The following EHBP1 variants were observed in gnomAD, a reference collection of about 807,000 sequenced individuals.
EHBP1 encodes the protein EH domain-binding protein 1.
Under a neutral mutation model 144.0 loss-of-function variants are expected in EHBP1, and 55 were observed. That is an observed-to-expected ratio of 0.38 (90% CI 0.31 to 0.48). The LOEUF (loss-of-function observed/expected upper bound fraction) is 0.48, where lower values mean the gene tolerates loss of function less well. Ranked by LOEUF, EHBP1 falls within the 20% of genes least tolerant of loss-of-function variation. The probability of loss-of-function intolerance (pLI) is 0.98; values close to 1 mark genes in which losing one functional copy is unlikely to be tolerated. For synonymous variants in EHBP1, 469 were observed against 472.7 expected (o/e 0.99, Z 0.10); for missense variants, 1,200 against 1,364.2 (o/e 0.88, Z 1.90).
At chr2:62,695,686 A>G (rs1423704815) in intron 1 of EHBP1, among the ~76,000 whole-genome samples, 3 of 152,184 alleles carry the variant, frequency 2.0e-5, no homozygotes, top group African/African-American at 7.2e-5. Context: ...TCGATCTAAA[A>G]CTACAATTAT....
intron 2 of EHBP1, among the ~76,000 whole-genome samples, chr2:62,710,384 T>G (rs1382911305): frequency 2.6e-5 from 4 of 151,882 alleles, no homozygotes; most frequent in African/African-American, 9.7e-5. Context: ...ATTTCTTCCA[T>G]CTAATTCTTA....
Position 63,045,280 on chromosome 2 carries a change from G to A in EHBP1, c.3392+100G>A. 7.3e-7 allele frequency: 1 copy of A among 1,369,944 alleles called. No homozygotes were observed. The highest frequency in any genetic ancestry group is 1.0e-6 in the Non-Finnish European group (1 of 983,614). 84.9% of individuals were successfully genotyped at this position (1,369,944 alleles called of 1,614,324 possible). A position where few individuals can be genotyped will look rare whatever the true frequency, so the allele number is the denominator to read the frequency against. ...CAGAGGTCGCGGGAGGGCCGGGGCA[G>A]CCTCCCACTGGCCTGGTGCTCCCCA... is the stretch of plus-strand genomic sequence containing the variant. On this transcript the variant is annotated intron_variant, in intron 22 of 22. Transcript: ENST00000431489. This position sits in a 1 kb window ranked among gnomAD's most constrained non-coding sequence, Gnocchi z 5.7.
chr2:62,807,036 C>G (rs1457482938), intron 5 of EHBP1, among the ~76,000 whole-genome samples: 1 of 152,176 alleles, frequency 6.6e-6, no homozygotes, highest in East Asian at 1.9e-4. Flanking sequence ...AGTTTTCTAT[C>G]CTGCAAATAC....
intron 1 of EHBP1, among the ~76,000 whole-genome samples, chr2:62,678,260 C>T (rs919057968): frequency 6.6e-6 from 1 of 152,042 alleles, no homozygotes; most frequent in African/African-American, 2.4e-5. Context: ...TTTCATATAC[C>T]TGTTTGCAAT....
intron 14 of EHBP1, among the ~76,000 whole-genome samples, chr2:62,972,445 C>T (rs2058541638): frequency 6.6e-6 from 1 of 151,938 alleles, no homozygotes; most frequent in South Asian, 2.1e-4. Flanking sequence ...TTTAATGGAG[C>T]CTACATATAA....
intron 1 of EHBP1, among the ~76,000 whole-genome samples, chr2:62,676,220 T>TA (rs1170840457): frequency 3.9e-5 from 6 of 152,150 alleles, no homozygotes; most frequent in African/African-American, 1.4e-4. Context: ...CATTACACCG[T>TA]AGTTAATCAT....
chr2:62,954,219 C>T (rs1228579469), intron 13 of EHBP1, among the ~76,000 whole-genome samples: 1 of 152,116 alleles, frequency 6.6e-6, no homozygotes, highest in East Asian at 1.9e-4. Context: ...TTTTAACTGA[C>T]CTGCTCAATG....
At chr2:62,928,199 C>G (rs186441676) in intron 10 of EHBP1, among the ~76,000 whole-genome samples, 71 of 152,282 alleles carry the variant, frequency 4.7e-4, no homozygotes, top group African/African-American at 1.6e-3. Flanking sequence ...AGAACAACCT[C>G]TGAACCTGAA....
At chr2:62,981,360 G>A (rs1411087985) in intron 15 of EHBP1, among the ~76,000 whole-genome samples, 1 of 152,104 alleles carries the variant, frequency 6.6e-6, no homozygotes, top group East Asian at 1.9e-4. Flanking sequence ...ATATTCTTAT[G>A]CTCCAGATAG....
chr2:62,759,613 C>A lies in EHBP1; in HGVS notation c.163-4653C>A, dbSNP rs201643491. 5.3e-4 allele frequency among the ~76,000 whole-genome samples: 81 copies of A among 152,230 alleles called. No individual in the cohort carries two copies. The East Asian group carries it at 0.014, about 25-fold the overall frequency. On this transcript the variant is annotated intron_variant, in intron 3 of 22. Coordinates refer to ENST00000431489, the MANE Select transcript of EHBP1 (RefSeq NM_001142616.3). ...AGAGACAGGGTTTCACCATGTTCAC[C>A]AGACTGGTCTCAAACTCCTGACCTC...
intron 2 of EHBP1, among the ~76,000 whole-genome samples, chr2:62,746,603 A>G (rs760966598): frequency 2.0e-5 from 3 of 152,234 alleles, no homozygotes; most frequent in Non-Finnish European, 2.9e-5. Flanking sequence ...GATGTTTTTC[A>G]TAAGAACAAA....
chr2:62,955,472 A>G, intron 13 of EHBP1, 45 bp from the exon 14 acceptor site: 1 of 1,558,046 alleles, frequency 6.4e-7, no homozygotes, highest in Non-Finnish European at 8.7e-7. Context: ...AATGTAGATT[A>G]CCCGTTTTTT....
At chr2:63,013,827 T>A (rs1008445120) in intron 19 of EHBP1, among the ~76,000 whole-genome samples, 3 of 152,172 alleles carry the variant, frequency 2.0e-5, no homozygotes, top group African/African-American at 7.2e-5. Context: ...ATGAACTTTT[T>A]AACAGGAGGA....
At chr2:62,877,405 C>A (rs892062530) in intron 10 of EHBP1, among the ~76,000 whole-genome samples, 3 of 152,084 alleles carry the variant, frequency 2.0e-5, no homozygotes, top group African/African-American at 7.2e-5. Context: ...ATAATTGGAG[C>A]CTTCAACACC....
chr2:62,730,678 GAGA>G (rs1353271597), intron 2 of EHBP1, among the ~76,000 whole-genome samples: 1 of 150,808 alleles, frequency 6.6e-6, no homozygotes, highest in Non-Finnish European at 1.5e-5. Context: ...TACACAAAGA[GAGA>G]AGGACAGAGA....
chr2:62,694,872 T>C (rs150051700), intron 1 of EHBP1, among the ~76,000 whole-genome samples: 17 of 152,324 alleles, frequency 1.1e-4, no homozygotes, highest in African/African-American at 4.1e-4. Flanking sequence ...TTGTCTTTCC[T>C]AATAATTCTA....
intron 7 of EHBP1, among the ~76,000 whole-genome samples, chr2:62,839,914 C>G (rs2047655868): frequency 1.3e-5 from 2 of 151,910 alleles, no homozygotes. Flanking sequence ...CCATACTGCC[C>G]AAGGTAATTT....
intron 2 of EHBP1, among the ~76,000 whole-genome samples, chr2:62,709,927 TTCA>T (rs1486137531): frequency 1.3e-5 from 2 of 152,242 alleles, no homozygotes; most frequent in East Asian, 3.9e-4. Flanking sequence ...GGAGGGCCTA[TTCA>T]TCATCATTCC....
chr2:62,966,798 A>G (rs1236102031), intron 14 of EHBP1, among the ~76,000 whole-genome samples: 5 of 152,204 alleles, frequency 3.3e-5, no homozygotes, highest in Non-Finnish European at 7.4e-5. Context: ...AGTTATTATA[A>G]AAAGTATAGT....
Sources: gnomAD v4.1 joint callset for allele counts (sites outside exome capture counted in the v4.1 genomes callset) on GRCh38, gnomAD v4.1.1 for gene constraint, Gnocchi (gnomAD v3.1) non-coding constraint, MANE v1.5 for transcripts, NCBI Gene and HGNC (gene_info 2026-07-23, HGNC 2026-07-21) for gene names.